SIPA1L2: variants seen among roughly 807,000 people sequenced by gnomAD.
SIPA1L2 encodes signal induced proliferation associated 1 like 2.
SIPA1L2 carries 56 observed loss-of-function variants against 163.9 expected under a neutral mutation model. The observed-to-expected ratio is 0.34, with a 90% confidence interval of 0.28 to 0.43. The LOEUF (loss-of-function observed/expected upper bound fraction) is 0.43, where lower values mean the gene tolerates loss of function less well. SIPA1L2 is among the 20% of genes least tolerant of loss of function. The pLI is 1.00. For synonymous variants in SIPA1L2, 877 were observed against 865.7 expected, an observed-to-expected ratio of 1.01 and a Z score of -0.23; for missense variants, 1,974 against 2,193.5, an observed-to-expected ratio of 0.90 and a Z score of 2.00.
chr1:232,501,805 A>T (rs1666494301), intron 3 of SIPA1L2, among the ~76,000 whole-genome samples: 1 of 152,108 alleles, frequency 6.6e-6, no homozygotes, highest in Non-Finnish European at 1.5e-5. Flanking sequence ...TCACTTCTTG[A>T]TGGCCTCTAC....
chr1:232,411,763 C>T (rs1213983907), intron 19 of SIPA1L2, among the ~76,000 whole-genome samples: 2 of 151,996 alleles, frequency 1.3e-5, no homozygotes, highest in Admixed American at 1.3e-4. Flanking sequence ...GGGTGTAGTC[C>T]AGATTTACAA....
chr1:232,584,781 C>T (rs115767058), intron 1 of SIPA1L2, among the ~76,000 whole-genome samples: 185 of 152,248 alleles, frequency 1.2e-3, no homozygotes, highest in African/African-American at 3.9e-3. Context: ...AGATGGAAAC[C>T]TGTGAAGAGT....
chr1:232,465,344 C>T lies in SIPA1L2; in HGVS notation c.2316G>A (p.Lys772=), dbSNP rs745945873. The change falls in exon 9 of 23, where the codon AAG becomes AAA. Residue 772 remains lysine (K), a synonymous_variant. Transcript: ENST00000674635. The surrounding 1 kb of genome is among the most constrained non-coding windows in gnomAD (Gnocchi z 4.1). ...AAAGGAAGTCCCGGAACACGGCTGACTTTGGAAAAGTTACACCTTTGGGAA... is the reference window on the plus strand; with the variant it reads ...AAAGGAAGTCCCGGAACACGGCTGATTTTGGAAAAGTTACACCTTTGGGAA... ...PPIPKGVTFP[K]SAVFRDFLLA... 2.5e-6 allele frequency: 4 copies of T among 1,614,114 alleles called. No homozygotes were observed. The South Asian group carries it at 4.4e-5, about 18-fold the overall frequency.
intron 7 of SIPA1L2, among the ~76,000 whole-genome samples, chr1:232,476,600 C>A (rs1665060075): frequency 6.6e-6 from 1 of 152,064 alleles, no homozygotes; most frequent in Admixed American, 6.6e-5. Context: ...GGATGGACTG[C>A]CAGACAGATG....
intron 2 of SIPA1L2, among the ~76,000 whole-genome samples, chr1:232,573,149 C>G (rs974575924): frequency 6.6e-6 from 1 of 152,014 alleles, no homozygotes; most frequent in Admixed American, 6.6e-5. Context: ...GCATAAAAGA[C>G]AAAGGCTATG....
At chr1:232,531,878 G>C (rs1052463378) in intron 2 of SIPA1L2, among the ~76,000 whole-genome samples, 1 of 152,106 alleles carries the variant, frequency 6.6e-6, no homozygotes, top group Non-Finnish European at 1.5e-5. Context: ...GGGAGAGGGA[G>C]GAGGGGAAGG....
At chr1:232,569,701 T>C (rs1483507187) in intron 2 of SIPA1L2, among the ~76,000 whole-genome samples, 1 of 152,110 alleles carries the variant, frequency 6.6e-6, no homozygotes. Flanking sequence ...TAGTCCCAGC[T>C]ACTTGGGAGG....
chr1:232,619,293 T>C (rs1662669854), intron 1 of SIPA1L2, among the ~76,000 whole-genome samples: 1 of 152,194 alleles, frequency 6.6e-6, no homozygotes, highest in South Asian at 2.1e-4. Context: ...CACCTTATTC[T>C]CAGCTAACCA....
intron 18 of SIPA1L2, among the ~76,000 whole-genome samples, chr1:232,424,944 A>T (rs1367345007): frequency 6.6e-6 from 1 of 152,252 alleles, no homozygotes; most frequent in Non-Finnish European, 1.5e-5. Context: ...TTAAAAACTG[A>T]CATTAATGAA....
intron 17 of SIPA1L2, among the ~76,000 whole-genome samples, chr1:232,426,608 C>A (rs1447906745): frequency 6.6e-6 from 1 of 151,964 alleles, no homozygotes; most frequent in East Asian, 1.9e-4. Flanking sequence ...TGCAGTGAGC[C>A]GAGATCGTGC....
intron 9 of SIPA1L2, among the ~76,000 whole-genome samples, chr1:232,463,149 G>T (rs1664328920): frequency 6.6e-6 from 1 of 152,190 alleles, no homozygotes; most frequent in Non-Finnish European, 1.5e-5. Context: ...CTGAGAGCGG[G>T]TCCCTGTGCA....
chr1:232,402,626 T>C, intron 21 of SIPA1L2, 153 bp from the exon 22 acceptor site: 1 of 575,122 alleles, frequency 1.7e-6, no homozygotes, highest in Non-Finnish European at 2.9e-6. Flanking sequence ...TCCATATTGC[T>C]GATCTAGTGG....
At chr1:232,470,769 T>C (rs1664758920) in intron 8 of SIPA1L2, among the ~76,000 whole-genome samples, 1 of 152,216 alleles carries the variant, frequency 6.6e-6, no homozygotes, top group Admixed American at 6.5e-5. Context: ...CAAAGCCCTA[T>C]GATAAGTGGT....
intron 12 of SIPA1L2, 131 bp from the exon 13 acceptor site, chr1:232,441,999 G>GA: frequency 3.1e-5 from 21 of 686,546 alleles, no homozygotes; most frequent in Middle Eastern, 4.1e-4. Context: ...TCTGGCAAAT[G>GA]AAAATGCAAA....
chr1:232,413,714 G>A (rs1055089134), intron 19 of SIPA1L2, among the ~76,000 whole-genome samples: 2 of 152,170 alleles, frequency 1.3e-5, no homozygotes, highest in Admixed American at 1.3e-4. Flanking sequence ...AATAAAAGAG[G>A]CAGCCTTCTC....
At chr1:232,548,747 CT>C (rs1205349945) in intron 2 of SIPA1L2, among the ~76,000 whole-genome samples, 1 of 152,172 alleles carries the variant, frequency 6.6e-6, no homozygotes, top group Non-Finnish European at 1.5e-5. Flanking sequence ...CGGAGCTCCC[CT>C]GAACAGAGGG....
chr1:232,398,993 G>C lies in SIPA1L2; in HGVS notation c.*134C>G, dbSNP rs1300636573. ...AGTCGAGGCTCCCTATCCTGCTGTG[G>C]TGAATGGTGCTACACAGAATGGAAC... On this transcript the variant is annotated 3_prime_UTR_variant, in exon 23 of 23. Transcript: ENST00000674635. 8.1e-7 allele frequency: 1 copy of C among 1,241,044 alleles called. No individual in the cohort carries two copies. Among genetic ancestry groups the C allele is most frequent in the African/African-American group, 1.5e-5 (1 of 67,046 alleles). 76.9% of individuals were successfully genotyped at this position (1,241,044 alleles called of 1,614,324 possible).
intron 10 of SIPA1L2, among the ~76,000 whole-genome samples, chr1:232,450,168 G>A (rs1663486872): frequency 6.6e-6 from 1 of 152,150 alleles, no homozygotes; most frequent in South Asian, 2.1e-4. Flanking sequence ...CTTCCTGAAA[G>A]TAAAATTCAC....
chr1:232,432,377 C>T lies in SIPA1L2; in HGVS notation c.4126G>A (p.Gly1376Arg), dbSNP rs544460997. 118 of 1,614,144 alleles carry T rather than the reference C, an allele frequency of 7.3e-5. No individual in the cohort carries two copies. The East Asian group carries it at 8.0e-4, about 11-fold the overall frequency. Residue 1376 changes from glycine (G) to arginine (R), a missense_variant, in exon 16 of 23, where the codon GGA becomes AGA. By Grantham distance (125) the Gly-to-Arg change is moderately radical. Coordinates refer to ENST00000674635, the MANE Select transcript of SIPA1L2 (RefSeq NM_020808.5). ...SKVYIVSHSS[G>R]QQVPGSMSKP... Reference sequence around the variant, plus strand: ...GACATGGACCCGGGAACCTGTTGTCCGCTGCTGTGAGACACGATGTAGACT... The same window carrying T: ...GACATGGACCCGGGAACCTGTTGTCTGCTGCTGTGAGACACGATGTAGACT...
Sources: allele counts gnomAD v4.1 joint callset (sites outside exome capture counted in the v4.1 genomes callset), GRCh38; gene constraint gnomAD v4.1.1; non-coding constraint Gnocchi (gnomAD v3.1); transcripts MANE v1.5; gene names NCBI Gene and HGNC (gene_info 2026-07-23, HGNC 2026-07-21).